The following DMD variants were observed in gnomAD, a reference collection of about 807,000 sequenced individuals.
The protein encoded by DMD is mutant dystrophin.
A neutral mutation model predicts 330.1 loss-of-function variants in DMD; 63 were observed. The ratio of observed to expected loss-of-function variants is 0.19; its 90% CI spans 0.16 to 0.24. The LOEUF (loss-of-function observed/expected upper bound fraction) is 0.24, where lower values mean the gene tolerates loss of function less well. Ranked by LOEUF, DMD falls within the 10% of genes least tolerant of loss-of-function variation. The pLI is 1.00. For missense variants in DMD, 3,344 were observed against 2,684.1 expected (o/e 1.25, Z -5.43); for synonymous variants, 1,223 against 959.8 (o/e 1.27, Z -5.07).
chrX:32,901,358 T>G (rs1409239788), intron 2 of DMD, among the ~76,000 whole-genome samples: 1 of 111,764 alleles, frequency 8.9e-6, no homozygotes, highest in African/African-American at 3.2e-5. Context: ...TCTTTAAAAA[T>G]TTCAACACTT....
intron 13 of DMD, among the ~76,000 whole-genome samples, chrX:32,589,338 G>A (rs924954282): frequency 1.5e-4 from 17 of 111,026 alleles, no homozygotes; most frequent in Non-Finnish European, 5.7e-5. Context: ...ATCACAGTCT[G>A]TGATTGCATT....
chrX:31,194,621 T>C (rs1487362496), intron 67 of DMD, among the ~76,000 whole-genome samples: 2 of 112,119 alleles, frequency 1.8e-5, no homozygotes, highest in African/African-American at 6.5e-5. Flanking sequence ...ATGACACAGA[T>C]GAGTGTTCTT....
chrX:33,285,053 A>G (rs894312851), intron 1 of DMD, among the ~76,000 whole-genome samples: 35 of 111,297 alleles, frequency 3.1e-4, no homozygotes, highest in African/African-American at 1.1e-3. Context: ...TGGTTCACGT[A>G]AGGACCTAAA....
chrX:32,844,415 AAAAAAAGAAAAG>A (rs1223168366), intron 4 of DMD, among the ~76,000 whole-genome samples: 1 of 57,220 alleles, frequency 1.7e-5, no homozygotes, highest in African/African-American at 1.7e-4. Flanking sequence ...TCAAAAAAAA[AAAAAAAGAAAAG>A]AAAAGAAAAG....
chrX:32,368,319 A>C (rs5972545), intron 34 of DMD, among the ~76,000 whole-genome samples: 3,775 of 110,245 alleles, frequency 0.034, 84 homozygotes, highest in South Asian at 0.081. Context: ...TACTAGAAAA[A>C]AATCACATTT....
At chrX:31,901,515 C>T (rs185792043) in intron 47 of DMD, among the ~76,000 whole-genome samples, 2 of 111,354 alleles carry the variant, frequency 1.8e-5, no homozygotes, top group African/African-American at 3.3e-5. Flanking sequence ...CCTGTACTAC[C>T]GTCCTTTGTT....
At chrX:32,734,990 T>C (rs184779365) in intron 7 of DMD, among the ~76,000 whole-genome samples, 29 of 110,949 alleles carry the variant, frequency 2.6e-4, no homozygotes, top group Admixed American at 2.4e-3. Flanking sequence ...TGTTTGCAGA[T>C]GACATGATTG....
chrX:32,417,459 G>T (rs1042955734), intron 29 of DMD, among the ~76,000 whole-genome samples: 2 of 111,402 alleles, frequency 1.8e-5, no homozygotes, highest in Admixed American at 1.9e-4. Flanking sequence ...AGATAGGGAT[G>T]ACACCTAATT....
At chrX:33,152,656 T>C (rs1569556596) in intron 1 of DMD, among the ~76,000 whole-genome samples, 1 of 111,207 alleles carries the variant, frequency 9.0e-6, no homozygotes, top group Non-Finnish European at 1.9e-5. Flanking sequence ...TAATTCTCTG[T>C]AGGCAAGCGG....
chrX:32,639,582 T>C (rs1473113484), intron 11 of DMD, among the ~76,000 whole-genome samples: 1 of 112,444 alleles, frequency 8.9e-6, no homozygotes, highest in Non-Finnish European at 1.9e-5. Context: ...TAAACTTCTT[T>C]ATTGTATTAG....
At chrX:32,089,738 T>A (rs2096463399) in intron 44 of DMD, among the ~76,000 whole-genome samples, 1 of 112,094 alleles carries the variant, frequency 8.9e-6, no homozygotes, top group African/African-American at 3.2e-5. Flanking sequence ...TGAGTAGTGT[T>A]GCAATGAACA....
chrX:31,548,204 A>C (rs894848534), intron 55 of DMD, among the ~76,000 whole-genome samples: 2 of 112,020 alleles, frequency 1.8e-5, no homozygotes, highest in Non-Finnish European at 3.8e-5. Flanking sequence ...TCAATGGTTC[A>C]TAGGTTGCCA....
intron 43 of DMD, among the ~76,000 whole-genome samples, chrX:32,273,499 CTT>C (rs11364033): frequency 0.2 from 20,224 of 102,191 alleles, 1,523 homozygotes; most frequent in African/African-American, 0.23. Flanking sequence ...TTCCAATATT[CTT>C]TTTTTTTTTT....
intron 1 of DMD, among the ~76,000 whole-genome samples, chrX:33,061,597 C>T (rs985050919): frequency 1.8e-5 from 2 of 110,852 alleles, no homozygotes; most frequent in African/African-American, 6.7e-5. Context: ...AGAGGAGGTG[C>T]CAAGATTCAG....
At chrX:31,474,548 CA>C (rs201882496) in intron 59 of DMD, among the ~76,000 whole-genome samples, 9,920 of 89,922 alleles carry the variant, frequency 0.11, 543 homozygotes, top group African/African-American at 0.22. Flanking sequence ...CTAAAAAATA[CA>C]AAAAAAAAAA....
intron 52 of DMD, among the ~76,000 whole-genome samples, chrX:31,682,077 T>C (rs898952553): frequency 2.7e-5 from 3 of 111,769 alleles, no homozygotes; most frequent in Non-Finnish European, 5.6e-5. Context: ...CAAAACTCCA[T>C]CTCAAAAATA....
Position 31,514,784 on chromosome X carries a change from A to T in DMD, c.8218-7331T>A, listed in dbSNP as rs187319529. ...CAGGACTTGGCTTGAGCCTTGAGGG[A>T]TGTATACGATTGGGAAATTGGAACA... On this transcript the variant is annotated intron_variant, in intron 55 of 78. Transcript: ENST00000357033. Among the ~76,000 whole-genome samples, 4 of 112,055 alleles carry T rather than the reference A, an allele frequency of 3.6e-5. No individual in the cohort carries two copies. In the East Asian group the frequency reaches 1.1e-3, roughly 31 times the overall value.
chrX:32,708,348 T>G (rs2064877180), intron 7 of DMD, among the ~76,000 whole-genome samples: 1 of 109,115 alleles, frequency 9.2e-6, no homozygotes, highest in African/African-American at 3.4e-5. Context: ...GAGCTTAGCC[T>G]GTTGAGGCAA....
At position 32,518,013 on chromosome X, in the gene DMD, C is replaced by T. The variant is rs2046031052; in HGVS notation, c.2287G>A (p.Val763Ile). ...AAAATTAATGCATAACCTACATTGA[C>T]TTTTTCTTTTAAGTCTGAGAAGTTG... is the stretch of plus-strand genomic sequence containing the variant. ...EGNFSDLKEK[V>I]NAIEREKAEK... Residue 763 changes from valine (V) to isoleucine (I), a missense_variant, in exon 18 of 79, where the codon GTC (valine) becomes ATC (isoleucine). Val to Ile is a conservative substitution (Grantham distance 29). Coordinates refer to ENST00000357033, the MANE Select transcript of DMD (RefSeq NM_004006.3). The T allele has an allele frequency of 1.7e-6, 2 of 1,208,969 alleles. No homozygotes were observed. The highest frequency in any genetic ancestry group is 3.5e-5 in the South Asian group (2 of 56,771).
Sources: allele counts gnomAD v4.1 joint callset (sites outside exome capture counted in the v4.1 genomes callset), GRCh38; gene constraint gnomAD v4.1.1; transcripts MANE v1.5; gene names NCBI Gene and HGNC (gene_info 2026-07-23, HGNC 2026-07-21).